The following PCOLCE variants were observed in gnomAD, a reference collection of about 807,000 sequenced individuals.
The protein encoded by PCOLCE is procollagen C-endopeptidase enhancer, also known as procollagen C-endopeptidase enhancer 1.
Under a neutral mutation model 47.2 loss-of-function variants are expected in PCOLCE, and 33 were observed. That is an observed-to-expected ratio of 0.70 (90% CI 0.53 to 0.93). The LOEUF (loss-of-function observed/expected upper bound fraction) is 0.93. PCOLCE is among the 40% of genes least tolerant of loss of function. The pLI, the probability that PCOLCE is intolerant of heterozygous loss-of-function variation, is 0.00. For synonymous variants in PCOLCE, 254 were observed against 252.5 expected (o/e 1.01, Z -0.06); for missense variants, 584 against 585.3 (o/e 1.00, Z 0.02).
Position 100,604,888 on chromosome 7 carries a change from T to A in PCOLCE, c.464-203T>A. Reference sequence around the variant, plus strand: ...GCTTCCACCGCCCGCCAGTGCGCCCTGCGGCCCCAGACTTCCCCGAGCCGC... The same window carrying A: ...GCTTCCACCGCCCGCCAGTGCGCCCAGCGGCCCCAGACTTCCCCGAGCCGC... On this transcript the variant is annotated intron_variant, in intron 3 of 8. Coordinates refer to ENST00000223061, the MANE Select transcript of PCOLCE (RefSeq NM_002593.4). The surrounding 1 kb of genome is among the most constrained non-coding windows in gnomAD (Gnocchi z 6.4). 1.9e-6 allele frequency: 1 copy of A among 525,278 alleles called. No individual in the cohort carries two copies. The highest frequency in any genetic ancestry group is 3.4e-6 in the Non-Finnish European group (1 of 293,586). 32.5% of individuals were successfully genotyped at this position (525,278 alleles called of 1,614,324 possible). A position where few individuals can be genotyped will look rare whatever the true frequency, so the allele number is the denominator to read the frequency against.
rs1234011454 is a variant in PCOLCE at position 100,604,385 on chromosome 7, G to A, written c.463+168G>A. ...ACCGCCCCTTCAGTCCCTCCTCCCCGTCTTCTCTCCCCTCCTCCCGCACCC... is the reference window on the plus strand; with the variant it reads ...ACCGCCCCTTCAGTCCCTCCTCCCCATCTTCTCTCCCCTCCTCCCGCACCC... On this transcript the variant is annotated intron_variant, in intron 3 of 8. Transcript: ENST00000223061. The surrounding 1 kb of genome is among the most constrained non-coding windows in gnomAD (Gnocchi z 6.4). 1 of 600,414 alleles carries A rather than the reference G, an allele frequency of 1.7e-6. No individual in the cohort carries two copies. The highest frequency in any genetic ancestry group is 2.9e-5 in the East Asian group (1 of 34,844). 37.2% of individuals were successfully genotyped at this position (600,414 alleles called of 1,614,324 possible). A position where few individuals can be genotyped will look rare whatever the true frequency, so the allele number is the denominator to read the frequency against.
In PCOLCE at chr7:100,604,196, G is replaced by T. The variant is rs572147250; in HGVS notation, c.442G>T (p.Gly148Trp). 53 of 1,612,164 alleles carry T rather than the reference G, an allele frequency of 3.3e-5. No homozygotes were observed. The highest frequency in any genetic ancestry group is 4.3e-5 in the Non-Finnish European group (51 of 1,179,892). ...GGRGFLLWYS[G>W]RATSGTEHQF... Reference sequence around the variant, plus strand: ...ACGAGGCTTCCTGCTCTGGTACAGCGGGCGGGCCACCTCGGGCACTGGTGA... The same window carrying T: ...ACGAGGCTTCCTGCTCTGGTACAGCTGGCGGGCCACCTCGGGCACTGGTGA... Residue 148 changes from glycine to tryptophan, a missense_variant, in exon 3 of 9, where the codon GGG becomes TGG. Gly to Trp is a radical substitution (Grantham distance 184). Coordinates refer to ENST00000223061, the MANE Select transcript of PCOLCE (RefSeq NM_002593.4). This position sits in a 1 kb window ranked among gnomAD's most constrained non-coding sequence, Gnocchi z 6.4.
At position 100,605,065 on chromosome 7, in the gene PCOLCE, C is replaced by G; in HGVS notation, c.464-26C>G. ...GACCGAGGGTCTCCACCGCCCCCCA[C>G]CCCCGCTCCTCTCTCCCCTCCCCAG... On this transcript the variant is annotated intron_variant, in intron 3 of 8. Transcript: ENST00000223061. This position sits in a 1 kb window ranked among gnomAD's most constrained non-coding sequence, Gnocchi z 6.1. 6.3e-7 allele frequency: 1 copy of G among 1,579,088 alleles called. No individual in the cohort carries two copies. Among genetic ancestry groups the G allele is most frequent in the South Asian group, 1.1e-5 (1 of 89,450 alleles).
Position 100,604,323 on chromosome 7 carries a change from TAGGGCCCCCTACCTCCCTGACCC to T in PCOLCE, c.463+108_463+130del. ...CCCGCCCACCCCGCGCCCCAGTGCC[TAGGGCCCCCTACCTCCCTGACCC>T]ATTTTCCTCACTAACCGCCCCTTCA... On this transcript the variant is annotated intron_variant, in intron 3 of 8. Coordinates refer to ENST00000223061, the MANE Select transcript of PCOLCE (RefSeq NM_002593.4). The surrounding 1 kb of genome is among the most constrained non-coding windows in gnomAD (Gnocchi z 6.4). The T allele has an allele frequency of 2.1e-6, 2 of 953,136 alleles. No individual in the cohort carries two copies. Among genetic ancestry groups the T allele is most frequent in the Non-Finnish European group, 2.9e-6 (2 of 682,262 alleles). 59.0% of individuals were successfully genotyped at this position (953,136 alleles called of 1,614,324 possible).
In PCOLCE at chr7:100,605,154, C is replaced by T; in HGVS notation, c.527C>T (p.Pro176Leu). 1.2e-6 allele frequency: 2 copies of T among 1,613,164 alleles called. No individual in the cohort carries two copies. Among genetic ancestry groups the T allele is most frequent in the Non-Finnish European group, 1.7e-6 (2 of 1,179,694 alleles). Residue 176 changes from proline to leucine, a missense_variant, in exon 4 of 9, where the codon CCC becomes CTC. Physicochemically the swap from Pro to Leu is moderately conservative, Grantham distance 98. Coordinates refer to ENST00000223061, the MANE Select transcript of PCOLCE (RefSeq NM_002593.4). The surrounding 1 kb of genome is among the most constrained non-coding windows in gnomAD (Gnocchi z 6.1). Reference protein sequence around the residue: ...AQGTLTTPNWPESDYPPGISC... With the variant: ...AQGTLTTPNWLESDYPPGISC... The stretch of plus-strand genomic sequence containing the variant: ...GGAACCCTGACCACGCCCAACTGGC[C>T]CGAGTCCGATTACCCCCCGGGCATC...
At position 100,605,239 on chromosome 7, in the gene PCOLCE, G is replaced by T; in HGVS notation, c.588+24G>T. The T allele has an allele frequency of 6.3e-7, 1 of 1,595,180 alleles. No individual in the cohort carries two copies. The highest frequency in any genetic ancestry group is 8.6e-7 in the Non-Finnish European group (1 of 1,166,710). On this transcript the variant is annotated intron_variant, in intron 4 of 8. Coordinates refer to ENST00000223061, the MANE Select transcript of PCOLCE (RefSeq NM_002593.4). The surrounding 1 kb of genome is among the most constrained non-coding windows in gnomAD (Gnocchi z 6.1). ...AGGTACCGACCCTCCTCCCCGGGCT[G>T]CCCTAGGGGACCCAGGCGGCGCCCT...
At position 100,604,136 on chromosome 7, in the gene PCOLCE, A is replaced by T. The variant is rs1437708625; in HGVS notation, c.382A>T (p.Thr128Ser). ...CCTAGTCGCCCCCGGCAACCAGGTG[A>T]CCCTGAGGATGACGACGGATGAGGG... ...APLVAPGNQVTLRMTTDEGTG... is the reference protein window; with the variant it reads ...APLVAPGNQVSLRMTTDEGTG... Residue 128 changes from threonine (T) to serine (S), a missense_variant, in exon 3 of 9, where the codon ACC (threonine) becomes TCC (serine). By Grantham distance (58) the Thr-to-Ser change is moderately conservative. Coordinates refer to ENST00000223061, the MANE Select transcript of PCOLCE (RefSeq NM_002593.4). This position sits in a 1 kb window ranked among gnomAD's most constrained non-coding sequence, Gnocchi z 6.4. The T allele has an allele frequency of 3.7e-6, 6 of 1,612,760 alleles. No homozygotes were observed. The highest frequency in any genetic ancestry group is 1.3e-5 in the African/African-American group (1 of 74,842).
Position 100,604,153 on chromosome 7 carries a change from G to T in PCOLCE, c.399G>T (p.Thr133=), listed in dbSNP as rs770475041. The part of the protein sequence containing the change: ...PGNQVTLRMT[T]DEGTGGRGFL... Reference sequence around the variant, plus strand: ...ACCAGGTGACCCTGAGGATGACGACGGATGAGGGCACAGGAGGACGAGGCT... The same window carrying T: ...ACCAGGTGACCCTGAGGATGACGACTGATGAGGGCACAGGAGGACGAGGCT... The change falls in exon 3 of 9, where the codon ACG becomes ACT. Residue 133 remains threonine (T), a synonymous_variant. Coordinates refer to ENST00000223061, the MANE Select transcript of PCOLCE (RefSeq NM_002593.4). This position sits in a 1 kb window ranked among gnomAD's most constrained non-coding sequence, Gnocchi z 6.4. 3 of 1,613,298 alleles carry T rather than the reference G, an allele frequency of 1.9e-6. No homozygotes were observed. The highest frequency in any genetic ancestry group is 2.5e-6 in the Non-Finnish European group (3 of 1,179,958).
rs1024505948 is a variant in PCOLCE at position 100,605,903 on chromosome 7, G to A, written c.725+91G>A. ...AGGGGCGGGGTTCAGCTAAAGGGAC[G>A]GGATCTGAACCCCAGGGCTCCAAAC... On this transcript the variant is annotated intron_variant, in intron 5 of 8. Transcript: ENST00000223061. This position sits in a 1 kb window ranked among gnomAD's most constrained non-coding sequence, Gnocchi z 6.1. 11 of 1,388,836 alleles carry A rather than the reference G, an allele frequency of 7.9e-6. No homozygotes were observed. In the East Asian group the frequency reaches 2.3e-4, roughly 29 times the overall value. The allele number at this position is 1,388,836 out of a possible 1,614,324, so 86.0% of individuals were successfully genotyped here.
rs923311431 is a variant in PCOLCE, at chr7:100,605,523, G to C, written c.589-153G>C. On this transcript the variant is annotated intron_variant, in intron 4 of 8. Coordinates refer to ENST00000223061, the MANE Select transcript of PCOLCE (RefSeq NM_002593.4). This position sits in a 1 kb window ranked among gnomAD's most constrained non-coding sequence, Gnocchi z 6.1. The stretch of plus-strand genomic sequence containing the variant: ...CCTGCAGGGTCCCATGGGTGTGTGT[G>C]GTCCTCCGTGCTGTGGTGTGAACGC... 2 of 902,776 alleles carry C rather than the reference G, an allele frequency of 2.2e-6. No homozygotes were observed. The highest frequency in any genetic ancestry group is 3.4e-5 in the African/African-American group (2 of 59,646). The allele number at this position is 902,776 out of a possible 1,614,324, so 55.9% of individuals were successfully genotyped here.
At chr7:100,603,931 G>A (rs1281991974) in intron 2 of PCOLCE, 28 bp from the exon 3 acceptor site, 11 of 1,594,772 alleles carry the variant, frequency 6.9e-6, no homozygotes, top group Non-Finnish European at 9.4e-6. Context: ...CTGACTCTGT[G>A]GGTCCCCGCC....
rs1172822765 is a variant in PCOLCE at position 100,607,762 on chromosome 7, C to T, written c.1138C>T (p.Leu380=). The T allele has an allele frequency of 1.9e-6, 3 of 1,614,044 alleles. No homozygotes were observed. Among genetic ancestry groups the T allele is most frequent in the Non-Finnish European group, 2.5e-6 (3 of 1,180,040 alleles). Residue 380 remains leucine, a synonymous_variant, in exon 8 of 9, where the codon CTG becomes TTG. Coordinates refer to ENST00000223061, the MANE Select transcript of PCOLCE (RefSeq NM_002593.4). ...GCCTTCTCCACCCACTGGTGCCTCC[C>T]TGAAGTTTTACGTGCCTTGCAAGCA... ...DLPSPPTGAS[L]KFYVPCKQCP...
In PCOLCE at chr7:100,603,302, A is replaced by G. The variant is rs538523505; in HGVS notation, c.96-128A>G. 3.5e-3 allele frequency: 2,048 copies of G among 579,968 alleles called. 7 individuals are homozygous for G. The highest frequency in any genetic ancestry group is 4.4e-3 in the Non-Finnish European group (1,417 of 322,202). 35.9% of individuals were successfully genotyped at this position (579,968 alleles called of 1,614,324 possible). ...GGTGGAAGCTGCCCCAGGTCTCTCA[A>G]GGCCTTTCCATTTCATCCCCCAGCT... On this transcript the variant is annotated intron_variant, in intron 1 of 8. Transcript: ENST00000223061.
At chr7:100,603,642 C>T (rs1802654317) in intron 2 of PCOLCE, 104 bp downstream of exon 2, 1 of 573,604 alleles carries the variant, frequency 1.7e-6, no homozygotes, top group Non-Finnish European at 3.1e-6. Flanking sequence ...ACCTTCTCAA[C>T]CTGGGGCAGC....
At chr7:100,603,399 G>T in intron 1 of PCOLCE, 31 bp from the exon 2 acceptor site, 3 of 1,165,522 alleles carry the variant, frequency 2.6e-6, no homozygotes, top group Non-Finnish European at 3.8e-6. Flanking sequence ...ACCCGTCCCT[G>T]CTCTTTCCTG....
At position 100,604,069 on chromosome 7, in the gene PCOLCE, C is replaced by T. The variant is rs752480518; in HGVS notation, c.315C>T (p.Gly105=). 1.2e-6 allele frequency: 2 copies of T among 1,608,972 alleles called. No homozygotes were observed. Among genetic ancestry groups the T allele is most frequent in the Non-Finnish European group, 8.5e-7 (1 of 1,179,998 alleles). ...TCTTCGCTGGGTCTGGGACTTCCGG[C>T]CAGCGGCTCGGACGCTTTTGTGGGA... ...LEVFAGSGTS[G]QRLGRFCGTF... Residue 105 remains glycine (G), a synonymous_variant, in exon 3 of 9, where the codon GGC becomes GGT. Transcript: ENST00000223061. The surrounding 1 kb of genome is among the most constrained non-coding windows in gnomAD (Gnocchi z 6.4).
At chr7:100,607,343 AC>A in intron 6 of PCOLCE, 108 bp from the exon 7 acceptor site, 1 of 827,900 alleles carries the variant, frequency 1.2e-6, no homozygotes, top group Non-Finnish European at 2.0e-6. Context: ...GGGTGCTAGG[AC>A]CGGAAGCCTG....
Position 100,607,799 on chromosome 7 carries a change from T to A in PCOLCE, c.1175T>A (p.Met392Lys), listed in dbSNP as rs765812003. The change falls in exon 8 of 9, where the codon ATG (methionine) becomes AAG (lysine). Residue 392 changes from methionine to lysine, a missense_variant. Coordinates refer to ENST00000223061, the MANE Select transcript of PCOLCE (RefSeq NM_002593.4). ...GTGCCTTGCAAGCAGTGCCCCCCCA[T>A]GAAGAAAGGTAACAGAGATGTGGGG... ...FYVPCKQCPP[M>K]KKGVSYLLMG... 4 of 1,614,016 alleles carry A rather than the reference T, an allele frequency of 2.5e-6. No homozygotes were observed. Among genetic ancestry groups the A allele is most frequent in the Non-Finnish European group, 3.4e-6 (4 of 1,180,002 alleles).
intron 2 of PCOLCE, 79 bp downstream of exon 2, chr7:100,603,617 C>A: frequency 1.7e-6 from 1 of 594,874 alleles, no homozygotes; most frequent in Non-Finnish European, 2.9e-6. Context: ...ACCCCCCCCC[C>A]GTCCCCCCCG....
Sources: gnomAD v4.1 joint callset for allele counts on GRCh38, gnomAD v4.1.1 for gene constraint, Gnocchi (gnomAD v3.1) non-coding constraint, MANE v1.5 for transcripts, NCBI Gene and HGNC (gene_info 2026-07-23, HGNC 2026-07-21) for gene names.